LRFN5: variants seen among roughly 807,000 people sequenced by gnomAD.
LRFN5 encodes leucine-rich repeat and fibronectin type-III domain-containing protein 5.
LRFN5 carries 24 observed loss-of-function variants against 45.6 expected under a neutral mutation model. That is an observed-to-expected ratio of 0.53 (90% confidence interval 0.38 to 0.74). The LOEUF is 0.74. Among genes scored for constraint, LRFN5 ranks in the 30% least tolerant of loss-of-function variants. LRFN5 has a pLI of 0.00. For missense variants in LRFN5, 776 were observed against 861.5 expected (o/e 0.90, Z 1.24); for synonymous variants, 340 against 313.8 (o/e 1.08, Z -0.88).
chr14:41,886,510 C>A, intron 2 of LRFN5, 96 bp from the exon 3 acceptor site: 1 of 810,954 alleles, frequency 1.2e-6, no homozygotes, highest in Non-Finnish European at 1.8e-6. Flanking sequence ...AATTATTTCT[C>A]TATTCTAGAT....
At chr14:41,635,608 T>A (rs1879266131) in intron 1 of LRFN5, among the ~76,000 whole-genome samples, 1 of 152,114 alleles carries the variant, frequency 6.6e-6, no homozygotes, top group East Asian at 1.9e-4. Context: ...CAGAAAAATA[T>A]CACAGAGAAG....
intron 1 of LRFN5, among the ~76,000 whole-genome samples, chr14:41,619,555 T>A (rs2138554758): frequency 6.6e-6 from 1 of 152,178 alleles, no homozygotes; most frequent in African/African-American, 2.4e-5. Context: ...CCCTGGATTA[T>A]GTTGAATATA....
intron 4 of LRFN5, chr14:41,892,483 T>C: frequency 2.0e-6 from 2 of 978,334 alleles, no homozygotes; most frequent in Non-Finnish European, 2.4e-6. Flanking sequence ...AAGTATTGCA[T>C]AAAAAATGAT....
intron 2 of LRFN5, among the ~76,000 whole-genome samples, chr14:41,878,170 T>C (rs373750268): frequency 1.3e-5 from 2 of 152,192 alleles, no homozygotes; most frequent in East Asian, 3.9e-4. Context: ...TTTCAGTTTC[T>C]AAGCTATATT....
rs555248030 is a variant in LRFN5, at chr14:41,651,275, A to C, written c.-197+42713A>C. On this transcript the variant is annotated intron_variant, in intron 1 of 5. Transcript: ENST00000298119. Reference sequence around the variant, plus strand: ...TGAATATTAAAATTATGCTACAAAAATGCCCGGTCACTCAGCTAACCTGAA... The same window carrying C: ...TGAATATTAAAATTATGCTACAAAACTGCCCGGTCACTCAGCTAACCTGAA... Among the ~76,000 whole-genome samples the C allele has an allele frequency of 5.3e-4, 81 of 152,244 alleles. 1 individual carries two copies. In the South Asian group the frequency reaches 0.017, roughly 31 times the overall value.
rs1888547297 is a variant in LRFN5, at chr14:41,631,908, AAG to A, written c.-197+23350_-197+23351del. Among the ~76,000 whole-genome samples the A allele has an allele frequency of 3.3e-5, 5 of 152,198 alleles. No homozygotes were observed. The South Asian group carries it at 1.0e-3, about 32-fold the overall frequency. On this transcript the variant is annotated intron_variant, in intron 1 of 5. Transcript: ENST00000298119. ...TAAAGGACTTTGGTTTTCATTATGA[AAG>A]AGATGAGAAGCCACGGAGAGTTTTG...
intron 1 of LRFN5, among the ~76,000 whole-genome samples, chr14:41,656,076 A>C (rs1015197310): frequency 3.9e-5 from 6 of 151,998 alleles, no homozygotes; most frequent in African/African-American, 1.2e-4. Context: ...CTAGCTAAAT[A>C]AACTTGAGTA....
intron 1 of LRFN5, among the ~76,000 whole-genome samples, chr14:41,739,829 C>A (rs1429626904): frequency 2.6e-5 from 4 of 151,394 alleles, no homozygotes; most frequent in Non-Finnish European, 5.9e-5. Context: ...CTAACAAGGA[C>A]AAAGAGAAAG....
At chr14:41,628,529 A>G (rs1594563314) in intron 1 of LRFN5, among the ~76,000 whole-genome samples, 1 of 152,078 alleles carries the variant, frequency 6.6e-6, no homozygotes, top group Non-Finnish European at 1.5e-5. Context: ...ACTTGAGGCC[A>G]GGAGGGCCAG....
At chr14:41,656,219 G>T (rs748640420) in intron 1 of LRFN5, among the ~76,000 whole-genome samples, 2 of 151,840 alleles carry the variant, frequency 1.3e-5, no homozygotes, top group Non-Finnish European at 2.9e-5. Flanking sequence ...TACCTCCCAA[G>T]GCTATTATGA....
intron 2 of LRFN5, among the ~76,000 whole-genome samples, chr14:41,848,442 A>G (rs1194483610): frequency 6.6e-6 from 1 of 152,026 alleles, no homozygotes; most frequent in Non-Finnish European, 1.5e-5. Flanking sequence ...GAATGGGGCA[A>G]TTGAGTTGTA....
intron 5 of LRFN5, among the ~76,000 whole-genome samples, chr14:41,902,913 G>A (rs1342252518): frequency 6.6e-6 from 1 of 151,462 alleles, no homozygotes. Flanking sequence ...GAAGAATTTA[G>A]TAATATATAC....
At chr14:41,761,319 T>G (rs1885653975) in intron 1 of LRFN5, among the ~76,000 whole-genome samples, 1 of 144,602 alleles carries the variant, frequency 6.9e-6, no homozygotes. Context: ...AAGGAAGAAA[T>G]GGGGGATACA....
chr14:41,686,816 G>T (rs1024777452), intron 1 of LRFN5, among the ~76,000 whole-genome samples: 2 of 152,114 alleles, frequency 1.3e-5, no homozygotes, highest in African/African-American at 4.8e-5. Flanking sequence ...AAGCTGACTT[G>T]ATCATGGGGA....
At chr14:41,874,997 C>T (rs540207232) in intron 2 of LRFN5, among the ~76,000 whole-genome samples, 7 of 152,266 alleles carry the variant, frequency 4.6e-5, no homozygotes, top group East Asian at 1.9e-4. Flanking sequence ...AGTTACCCCC[C>T]CACCAACTGG....
intron 2 of LRFN5, among the ~76,000 whole-genome samples, chr14:41,828,464 A>G (rs1888369484): frequency 6.6e-6 from 1 of 152,050 alleles, no homozygotes; most frequent in African/African-American, 2.4e-5. Flanking sequence ...GAAATGTTAC[A>G]TACTAAACAA....
At chr14:41,704,277 C>T (rs1412450469) in intron 1 of LRFN5, among the ~76,000 whole-genome samples, 1 of 152,050 alleles carries the variant, frequency 6.6e-6, no homozygotes, top group East Asian at 1.9e-4. Context: ...AGAGTAGCCA[C>T]GTGATTTCCC....
chr14:41,857,225 A>C (rs1288938505), intron 2 of LRFN5, among the ~76,000 whole-genome samples: 3 of 152,172 alleles, frequency 2.0e-5, no homozygotes, highest in African/African-American at 7.2e-5. Flanking sequence ...AACTCAAGAA[A>C]AAATCATTTT....
chr14:41,852,294 A>C (rs1454216712), intron 2 of LRFN5, among the ~76,000 whole-genome samples: 1 of 151,930 alleles, frequency 6.6e-6, no homozygotes, highest in African/African-American at 2.4e-5. Context: ...ATTTTGAATC[A>C]AAGATACATA....
Sources: gnomAD v4.1 joint callset for allele counts (sites outside exome capture counted in the v4.1 genomes callset) on GRCh38, gnomAD v4.1.1 for gene constraint, MANE v1.5 for transcripts, NCBI Gene and HGNC (gene_info 2026-07-23, HGNC 2026-07-21) for gene names.